Variants in SYN3 observed in about 807,000 individuals in gnomAD.
SYN3 encodes synapsin III, also known as synapsin-3.
A neutral mutation model predicts 65.8 loss-of-function variants in SYN3; 35 were observed. That is an observed-to-expected ratio of 0.53 (90% CI 0.41 to 0.70). SYN3 has a LOEUF of 0.70. Among genes scored for constraint, SYN3 ranks in the 30% least tolerant of loss-of-function variants. The probability of loss-of-function intolerance (pLI) is 0.00; values close to 1 mark genes in which losing one functional copy is unlikely to be tolerated. For missense variants in SYN3, 680 were observed against 749.0 expected, an observed-to-expected ratio of 0.91 and a Z score of 1.08; for synonymous variants, 270 against 292.9, an observed-to-expected ratio of 0.92 and a Z score of 0.80.
intron 6 of SYN3, among the ~76,000 whole-genome samples, chr22:32,807,669 A>G (rs1356659422): frequency 6.6e-6 from 1 of 150,950 alleles, no homozygotes; most frequent in African/African-American, 2.4e-5. Context: ...CAAGGAATAC[A>G]GCCTGTATTT....
At chr22:33,016,470 A>G (rs1355204369) in intron 1 of SYN3, among the ~76,000 whole-genome samples, 1 of 152,206 alleles carries the variant, frequency 6.6e-6, no homozygotes, top group African/African-American at 2.4e-5. Flanking sequence ...GAAATAAATA[A>G]TGTCATTCTA....
chr22:32,781,685 ATAT>A (rs565782373), intron 6 of SYN3, among the ~76,000 whole-genome samples: 20 of 150,318 alleles, frequency 1.3e-4, no homozygotes, highest in African/African-American at 2.7e-4. Context: ...ATTATTATTA[ATAT>A]TATTATTATT....
At chr22:32,625,915 C>T (rs371646674) in intron 6 of SYN3, among the ~76,000 whole-genome samples, 25 of 152,078 alleles carry the variant, frequency 1.6e-4, no homozygotes, top group African/African-American at 4.6e-4. Context: ...TATCGATAAC[C>T]GTAAGTCAAG....
intron 3 of SYN3, among the ~76,000 whole-genome samples, chr22:32,960,436 C>T (rs2051611289): frequency 6.6e-6 from 1 of 152,164 alleles, no homozygotes; most frequent in Admixed American, 6.5e-5. Flanking sequence ...AATAAAAGCT[C>T]TCGCCCACAT....
Position 32,714,576 on chromosome 22 carries a change from T to C in SYN3, c.712-117840A>G, listed in dbSNP as rs2061011383. On this transcript the variant is annotated intron_variant, in intron 6 of 13. Transcript: ENST00000358763. The stretch of plus-strand genomic sequence containing the variant: ...TGAGACTTTCAGTAACTTTTCTTTT[T>C]TTTTTTTCTTGAAGTGTCTCTGGCA... 2.0e-5 allele frequency among the ~76,000 whole-genome samples: 3 copies of C among 152,280 alleles called. No homozygotes were observed. The South Asian group carries it at 6.2e-4, about 32-fold the overall frequency.
chr22:33,015,019 A>C (rs1169891074), intron 1 of SYN3: 1 of 174,470 alleles, frequency 5.7e-6, no homozygotes, highest in East Asian at 1.9e-4. Flanking sequence ...AAATCTTTAT[A>C]AAAATCTGCT....
At chr22:33,014,101 G>T (rs2053413460) in intron 1 of SYN3, among the ~76,000 whole-genome samples, 1 of 152,000 alleles carries the variant, frequency 6.6e-6, no homozygotes, top group East Asian at 1.9e-4. Flanking sequence ...AAAATTAGGG[G>T]GCGGGGCTCT....
chr22:32,962,129 CTTTTTTTT>C (rs58025844), intron 3 of SYN3, among the ~76,000 whole-genome samples: 48 of 107,192 alleles, frequency 4.5e-4, no homozygotes, highest in African/African-American at 1.3e-3. Flanking sequence ...TTTAGAATCT[CTTTTTTTT>C]TTTTTTTTTT....
At position 32,518,165 on chromosome 22, in the gene SYN3, TG is replaced by T; in HGVS notation, c.1487del (p.Pro496GlnfsTer47). 1 of 1,613,286 alleles carries T rather than the reference TG, an allele frequency of 6.2e-7. No individual in the cohort carries two copies. The highest frequency in any genetic ancestry group is 8.5e-7 in the Non-Finnish European group (1 of 1,179,730). The part of the protein sequence containing the change: ...QLSRASSGSS[P>X]NQASKPGATL... Reference sequence around the variant, plus strand: ...TGGCACCTGGCTTGGAGGCCTGGTTTGGGGAGCTGCCACTGGATGCCCGGGA... The same window carrying T: ...TGGCACCTGGCTTGGAGGCCTGGTTTGGGAGCTGCCACTGGATGCCCGGGA... On this transcript the variant is annotated frameshift_variant, in exon 13 of 14. Coordinates refer to ENST00000358763, the MANE Select transcript of SYN3 (RefSeq NM_003490.4). LOFTEE classifies it high-confidence loss of function.
chr22:32,616,696 G>A (rs2059525398), intron 6 of SYN3, among the ~76,000 whole-genome samples: 1 of 152,164 alleles, frequency 6.6e-6, no homozygotes, highest in Non-Finnish European at 1.5e-5. Context: ...GCTGGTGGGG[G>A]CAGCAGATCT....
chr22:32,757,184 G>C (rs1049966414), intron 6 of SYN3, among the ~76,000 whole-genome samples: 1 of 151,890 alleles, frequency 6.6e-6, no homozygotes, highest in African/African-American at 2.4e-5. Context: ...CATTCTGCTG[G>C]CATATAGGTC....
chr22:32,745,698 A>AGAGAAAC, intron 6 of SYN3, among the ~76,000 whole-genome samples: 1 of 152,304 alleles, frequency 6.6e-6, no homozygotes, highest in East Asian at 1.9e-4. Context: ...AGAGGCAGAG[A>AGAGAAAC]GAGAAACGGA....
intron 6 of SYN3, among the ~76,000 whole-genome samples, chr22:32,830,205 C>A (rs1293512332): frequency 6.6e-6 from 1 of 152,186 alleles, no homozygotes; most frequent in Non-Finnish European, 1.5e-5. Flanking sequence ...GCCCTCTAGC[C>A]TCTTCACTGT....
At chr22:32,700,836 A>G (rs2060801702) in intron 6 of SYN3, among the ~76,000 whole-genome samples, 1 of 152,246 alleles carries the variant, frequency 6.6e-6, no homozygotes, top group African/African-American at 2.4e-5. Context: ...GATGTCTCAT[A>G]GGTAACGCAT....
chr22:32,904,948 G>A (rs2049862128), intron 4 of SYN3, among the ~76,000 whole-genome samples: 1 of 152,174 alleles, frequency 6.6e-6, no homozygotes, highest in Admixed American at 6.5e-5. Flanking sequence ...GTCCCTCAGA[G>A]AACTGTGAAA....
At chr22:32,525,417 C>T (rs1601560948) in intron 12 of SYN3, among the ~76,000 whole-genome samples, 1 of 151,818 alleles carries the variant, frequency 6.6e-6, no homozygotes, top group Non-Finnish European at 1.5e-5. Flanking sequence ...GATAAAGATG[C>T]TATGAAGGGG....
chr22:32,695,511 G>A (rs2060723577), intron 6 of SYN3, among the ~76,000 whole-genome samples: 1 of 152,102 alleles, frequency 6.6e-6, no homozygotes, highest in Non-Finnish European at 1.5e-5. Flanking sequence ...TCTTCCCTGG[G>A]GACACATTTC....
chr22:32,774,596 C>CT (rs11423621), intron 6 of SYN3, among the ~76,000 whole-genome samples: 103,472 of 149,250 alleles, frequency 0.69, 36,136 homozygotes, highest in African/African-American at 0.79. Flanking sequence ...AAGCATTGCA[C>CT]TTTTTTTTTT....
chr22:33,027,377 G>A (rs1012756366), intron 1 of SYN3, among the ~76,000 whole-genome samples: 1 of 151,966 alleles, frequency 6.6e-6, no homozygotes, highest in African/African-American at 2.4e-5. Context: ...CAGGCAGATC[G>A]CCTGAGGTCA....
Sources: gnomAD v4.1 joint callset for allele counts (sites outside exome capture counted in the v4.1 genomes callset) on GRCh38, gnomAD v4.1.1 for gene constraint, MANE v1.5 for transcripts, NCBI Gene and HGNC (gene_info 2026-07-23, HGNC 2026-07-21) for gene names.